PCDHGC3: variants seen among roughly 807,000 people sequenced by gnomAD.
PCDHGC3 encodes protocadherin gamma-C3.
PCDHGC3 carries 26 observed loss-of-function variants against 59.2 expected under a neutral mutation model. The observed-to-expected ratio is 0.44, with a 90% CI of 0.32 to 0.61. The LOEUF is 0.61. Ranked by LOEUF, PCDHGC3 falls within the 20% of genes least tolerant of loss-of-function variation. PCDHGC3 has a pLI of 0.05. For synonymous variants in PCDHGC3, 487 were observed against 519.7 expected (o/e 0.94, Z 0.86); for missense variants, 1,080 against 1,221.8 (o/e 0.88, Z 1.73).
chr5:141,490,033 A>C lies in PCDHGC3; in HGVS notation c.2431-4774A>C, dbSNP rs200482631. The C allele has an allele frequency of 4.0e-5, 65 of 1,614,116 alleles. No homozygotes were observed. Among genetic ancestry groups the C allele is most frequent in the Non-Finnish European group, 4.1e-5 (48 of 1,180,040 alleles). On this transcript the variant is annotated intron_variant, in intron 1 of 3. Transcript: ENST00000308177. This position sits in a 1 kb window ranked among gnomAD's most constrained non-coding sequence, Gnocchi z 5.4. ...CATTGGTACTCTGCTGCTCCGCCTC[A>C]ATGCCACTGATCCAGACGAGGGCAC...
At chr5:141,501,290 TACAC>T (rs55762287) in intron 2 of PCDHGC3, among the ~76,000 whole-genome samples, 45,565 of 135,778 alleles carry the variant, frequency 0.34, 7,845 homozygotes, top group Non-Finnish European at 0.42. Flanking sequence ...TATTCCCTTA[TACAC>T]ACACACACAC....
In PCDHGC3 at chr5:141,505,363, T is replaced by C. The variant is rs751635403; in HGVS notation, c.2490-30T>C. 1.6e-5 allele frequency: 26 copies of C among 1,613,242 alleles called. No individual in the cohort carries two copies. In the Middle Eastern group the frequency reaches 9.9e-4, roughly 61 times the overall value. On this transcript the variant is annotated intron_variant, in intron 2 of 3. Transcript: ENST00000308177. ...GGCATGAGCTGTGCCGGCCTGGGAG[T>C]CTGTGCTCACCATCCTACTCTCTCC... is the stretch of plus-strand genomic sequence containing the variant.
Position 141,477,952 on chromosome 5 carries a change from A to C in PCDHGC3, c.1836A>C (p.Gly612=), listed in dbSNP as rs907708638. The C allele has an allele frequency of 1.2e-6, 2 of 1,614,038 alleles. No individual in the cohort carries two copies. Among genetic ancestry groups the C allele is most frequent in the Non-Finnish European group, 1.7e-6 (2 of 1,180,002 alleles). ...HNAWLSYSLL[G]SPNQSLFAIG... is the part of the protein sequence containing the mutation. Reference sequence around the variant, plus strand: ...CCTGGCTCTCCTACAGTCTCTTGGGATCCCCTAACCAGAGCCTTTTTGCCA... The same window carrying C: ...CCTGGCTCTCCTACAGTCTCTTGGGCTCCCCTAACCAGAGCCTTTTTGCCA... Residue 612 remains glycine, a synonymous_variant, in exon 1 of 4, where the codon GGA becomes GGC. Coordinates refer to ENST00000308177, the MANE Select transcript of PCDHGC3 (RefSeq NM_002588.4). This position sits in a 1 kb window ranked among gnomAD's most constrained non-coding sequence, Gnocchi z 4.9.
intron 1 of PCDHGC3, among the ~76,000 whole-genome samples, chr5:141,480,689 C>A (rs1266042791): frequency 6.6e-6 from 1 of 152,126 alleles, no homozygotes; most frequent in Non-Finnish European, 1.5e-5. Flanking sequence ...AATTCTGAAA[C>A]CCAGGCCACA....
At chr5:141,506,308 G>A (rs941724820) in intron 3 of PCDHGC3, among the ~76,000 whole-genome samples, 8 of 152,100 alleles carry the variant, frequency 5.3e-5, no homozygotes. Flanking sequence ...AATTAGCTGG[G>A]CATGGTGGTG....
In PCDHGC3 at chr5:141,485,441, A is replaced by G. The variant is rs1562105312; in HGVS notation, c.2430+6895A>G. ...CGGAGCCCTGCTCATCAAGAACCCA[A>G]TCGACCGAGAGGCACTGTGTGGGCT... On this transcript the variant is annotated intron_variant, in intron 1 of 3. Transcript: ENST00000308177. The surrounding 1 kb of genome is among the most constrained non-coding windows in gnomAD (Gnocchi z 5.7). 3 of 1,613,910 alleles carry G rather than the reference A, an allele frequency of 1.9e-6. No homozygotes were observed. Among genetic ancestry groups the G allele is most frequent in the South Asian group, 1.1e-5 (1 of 91,062 alleles).
chr5:141,500,104 T>G (rs917633032), intron 2 of PCDHGC3, among the ~76,000 whole-genome samples: 4 of 152,124 alleles, frequency 2.6e-5, no homozygotes, highest in Non-Finnish European at 4.4e-5. Flanking sequence ...AATTTATTTG[T>G]TGAATCCCTG....
rs2099884522 is a variant in PCDHGC3, at chr5:141,512,941, T to C, written c.*1768T>C. On this transcript the variant is annotated 3_prime_UTR_variant, in exon 4 of 4. Transcript: ENST00000308177. ...CTAATATTTATATGGCTTTTTTTCT[T>C]CGACAAAAAAATAATAAAACGTTTC... The C allele has an allele frequency of 6.6e-6, 1 of 151,892 alleles. No individual in the cohort carries two copies. The highest frequency in any genetic ancestry group is 6.6e-5 in the Admixed American group (1 of 15,236). The allele number at this position is 151,892 out of a possible 1,614,324, so 9.4% of individuals were successfully genotyped here.
Position 141,487,295 on chromosome 5 carries a change from T to C in PCDHGC3, c.2431-7512T>C, listed in dbSNP as rs2099642474. The C allele has an allele frequency of 5.6e-6, 9 of 1,614,164 alleles. No individual in the cohort carries two copies. In the East Asian group the frequency reaches 1.3e-4, roughly 24 times the overall value. ...AATTTGCTTTGTCTCCTTTGGCTCA[T>C]TCGTGGCACTACTCTCTAAGTGTCT... On this transcript the variant is annotated intron_variant, in intron 1 of 3. Transcript: ENST00000308177. This position sits in a 1 kb window ranked among gnomAD's most constrained non-coding sequence, Gnocchi z 5.0.
intron 2 of PCDHGC3, 47 bp from the exon 3 acceptor site, chr5:141,505,346 C>G: frequency 4.3e-6 from 7 of 1,612,970 alleles, no homozygotes; most frequent in Non-Finnish European, 5.9e-6. Context: ...GGGGCATGAG[C>G]TGTGCCGGCC....
At position 141,476,994 on chromosome 5, in the gene PCDHGC3, A is replaced by T; in HGVS notation, c.878A>T (p.Gln293Leu). 6.2e-7 allele frequency: 1 copy of T among 1,614,260 alleles called. No individual in the cohort carries two copies. The highest frequency in any genetic ancestry group is 2.2e-5 in the East Asian group (1 of 44,884). The change falls in exon 1 of 4, where the codon CAA becomes CTA. Residue 293 changes from glutamine (Q) to leucine (L), a missense_variant. Physicochemically the swap from Gln to Leu is moderately radical, Grantham distance 113. Transcript: ENST00000308177. This position sits in a 1 kb window ranked among gnomAD's most constrained non-coding sequence, Gnocchi z 7.6. ...FGSHNRAGVR[Q>L]LFALDLVTGM... ...AGCCACAACCGCGCCGGCGTGCGGC[A>T]ACTATTCGCCTTAGACCTTGTAACC...
In PCDHGC3 at chr5:141,491,283, C is replaced by G; in HGVS notation, c.2431-3524C>G. ...AAATGCCCAAATCCAGTGACTTCCT[C>G]ATACACCCTCCTGAGCGTTCAGACC... On this transcript the variant is annotated intron_variant, in intron 1 of 3. Coordinates refer to ENST00000308177, the MANE Select transcript of PCDHGC3 (RefSeq NM_002588.4). The surrounding 1 kb of genome is among the most constrained non-coding windows in gnomAD (Gnocchi z 6.9). The G allele has an allele frequency of 1.2e-6, 2 of 1,614,164 alleles. No homozygotes were observed.
chr5:141,477,639 G>T lies in PCDHGC3; in HGVS notation c.1523G>T (p.Arg508Leu), dbSNP rs2099414883. Reference protein sequence around the residue: ...EQGAETGLVGRYFTINRDNGI... With the variant: ...EQGAETGLVGLYFTINRDNGI... ...GGAGCTGAAACCGGGCTAGTGGGTCGCTATTTCACAATAAATCGTGACAAT... is the reference window on the plus strand; with the variant it reads ...GGAGCTGAAACCGGGCTAGTGGGTCTCTATTTCACAATAAATCGTGACAAT... The change falls in exon 1 of 4, where the codon CGC becomes CTC. Residue 508 changes from arginine (R) to leucine (L), a missense_variant. Arg to Leu is a moderately radical substitution (Grantham distance 102). Transcript: ENST00000308177. The surrounding 1 kb of genome is among the most constrained non-coding windows in gnomAD (Gnocchi z 4.9). 3.1e-6 allele frequency: 5 copies of T among 1,614,004 alleles called. No homozygotes were observed. Among genetic ancestry groups the T allele is most frequent in the Non-Finnish European group, 4.2e-6 (5 of 1,180,034 alleles).
chr5:141,505,371 C>T (rs2099845827), intron 2 of PCDHGC3, 22 bp from the exon 3 acceptor site: 4 of 1,613,980 alleles, frequency 2.5e-6, no homozygotes, highest in Non-Finnish European at 3.4e-6. Context: ...AGTCTGTGCT[C>T]ACCATCCTAC....
chr5:141,483,736 G>A (rs1296877404), intron 1 of PCDHGC3, among the ~76,000 whole-genome samples: 1 of 152,110 alleles, frequency 6.6e-6, no homozygotes, highest in Non-Finnish European at 1.5e-5. Flanking sequence ...ATAGTCAAAA[G>A]GATATTCCTG....
Position 141,485,089 on chromosome 5 carries a change from G to A in PCDHGC3, c.2430+6543G>A. The stretch of plus-strand genomic sequence containing the variant: ...GAGCTGGCGCGGGGAAAGGGAGATA[G>A]GTGTCTCCAGCTGCTGTGGCTGTTT... On this transcript the variant is annotated intron_variant, in intron 1 of 3. Coordinates refer to ENST00000308177, the MANE Select transcript of PCDHGC3 (RefSeq NM_002588.4). This position sits in a 1 kb window ranked among gnomAD's most constrained non-coding sequence, Gnocchi z 5.7. 1 of 1,027,236 alleles carries A rather than the reference G, an allele frequency of 9.7e-7. No homozygotes were observed. The highest frequency in any genetic ancestry group is 1.5e-6 in the Non-Finnish European group (1 of 674,564). 63.6% of individuals were successfully genotyped at this position (1,027,236 alleles called of 1,614,324 possible). A position where few individuals can be genotyped will look rare whatever the true frequency, so the allele number is the denominator to read the frequency against.
At position 141,505,394 on chromosome 5, in the gene PCDHGC3, T is replaced by C; in HGVS notation, c.2491T>C (p.Ser831Pro). 6.2e-7 allele frequency: 1 copy of C among 1,614,110 alleles called. No homozygotes were observed. The highest frequency in any genetic ancestry group is 8.5e-7 in the Non-Finnish European group (1 of 1,180,002). The part of the protein sequence containing the change: ...SQAQRPGTSG[S>P]QNGDDTGTWP... ...CTCACCATCCTACTCTCTCCCCAGC[T>C]CCCAAAATGGCGATGACACCGGCAC... Residue 831 changes from serine (S) to proline (P), a missense_variant and splice_region_variant, in exon 3 of 4, where the codon TCC becomes CCC. By Grantham distance (74) the Ser-to-Pro change is moderately conservative. Coordinates refer to ENST00000308177, the MANE Select transcript of PCDHGC3 (RefSeq NM_002588.4).
Position 141,476,165 on chromosome 5 carries a change from G to A in PCDHGC3, c.49G>A (p.Val17Met). ...CGGACTGGTAAGCACCGGGAGGGTA[G>A]TGGGAGTTTTGCTTCTGCTTGGTGC... The part of the protein sequence containing the change: ...RSGLVSTGRV[V>M]GVLLLLGALN... Residue 17 changes from valine (V) to methionine (M), a missense_variant, in exon 1 of 4, where the codon GTG becomes ATG. Physicochemically the swap from Val to Met is conservative, Grantham distance 21. Coordinates refer to ENST00000308177, the MANE Select transcript of PCDHGC3 (RefSeq NM_002588.4). This position sits in a 1 kb window ranked among gnomAD's most constrained non-coding sequence, Gnocchi z 7.6. 1 of 1,613,228 alleles carries A rather than the reference G, an allele frequency of 6.2e-7. No homozygotes were observed.
At chr5:141,498,796 G>C (rs1160540093) in intron 2 of PCDHGC3, among the ~76,000 whole-genome samples, 1 of 152,032 alleles carries the variant, frequency 6.6e-6, no homozygotes, top group African/African-American at 2.4e-5. Context: ...AGCCAGGTGT[G>C]GTGGTGCACA....
Sources: allele counts gnomAD v4.1 joint callset (sites outside exome capture counted in the v4.1 genomes callset), GRCh38; gene constraint gnomAD v4.1.1; non-coding constraint Gnocchi (gnomAD v3.1); transcripts MANE v1.5; gene names NCBI Gene and HGNC (gene_info 2026-07-23, HGNC 2026-07-21).